FAM107B: variants seen among roughly 807,000 people sequenced by gnomAD.
FAM107B encodes protein FAM107B.
A neutral mutation model predicts 31.5 loss-of-function variants in FAM107B; 21 were observed. The observed-to-expected ratio is 0.67, with a 90% confidence interval of 0.47 to 0.96. FAM107B has a LOEUF of 0.96. Among genes scored for constraint, FAM107B ranks in the 40% least tolerant of loss-of-function variants. The pLI, the probability that FAM107B is intolerant of heterozygous loss-of-function variation, is 0.00. For missense variants in FAM107B, 452 were observed against 377.1 expected, an observed-to-expected ratio of 1.20 and a Z score of -1.64; for synonymous variants, 157 against 141.5, an observed-to-expected ratio of 1.11 and a Z score of -0.78.
At position 14,587,542 on chromosome 10, in the gene FAM107B, T is replaced by A. The variant is rs112483905; in HGVS notation, c.470-57027A>T. Among the ~76,000 whole-genome samples the A allele has an allele frequency of 5.9e-5, 9 of 152,336 alleles. 1 individual carries two copies. Among genetic ancestry groups the A allele is most frequent in the African/African-American group, 2.2e-4 (9 of 41,574 alleles). ...TGTTTAATGTTTTTAAGACTTTCCA[T>A]TAGTATGAATAAGAATTTGTCTTAC... On this transcript the variant is annotated intron_variant, in intron 2 of 4. Transcript: ENST00000181796.
intron 2 of FAM107B, among the ~76,000 whole-genome samples, chr10:14,621,278 C>T (rs1853004049): frequency 6.6e-6 from 1 of 152,104 alleles, no homozygotes; most frequent in Non-Finnish European, 1.5e-5. Flanking sequence ...CAACATTAAA[C>T]TGCTGTTTAT....
chr10:14,604,272 C>A, intron 2 of FAM107B: 1 of 979,710 alleles, frequency 1.0e-6, no homozygotes, highest in Non-Finnish European at 1.2e-6. Flanking sequence ...GCGGCTCCCT[C>A]CCAGCTCGCT....
At chr10:14,712,626 A>AAAAAAAAAAAAAAAAG (rs1554851690) in intron 1 of FAM107B, among the ~76,000 whole-genome samples, 1 of 146,852 alleles carries the variant, frequency 6.8e-6, no homozygotes, top group African/African-American at 2.6e-5. Context: ...AACAAAAAAA[A>AAAAAAAAAAAAAAAAG]AAGAAGAAGA....
chr10:14,571,719 A>C (rs981246505), intron 2 of FAM107B: 52 of 940,654 alleles, frequency 5.5e-5, no homozygotes, highest in Non-Finnish European at 6.3e-5. Flanking sequence ...GAGAAGGACT[A>C]CATTATTCAA....
intron 1 of FAM107B, among the ~76,000 whole-genome samples, chr10:14,734,488 G>GTGTTTTTGTTTTTTTT (rs558940939): frequency 0.036 from 4,963 of 137,730 alleles, 165 homozygotes; most frequent in East Asian, 0.11. Flanking sequence ...TTTTTGTGAG[G>GTGTTTTTGTTTTTTTT]TTTTTTTTTT....
chr10:14,772,362 A>AAAAAAAAAATATAT (rs10651238), intron 1 of FAM107B, among the ~76,000 whole-genome samples: 53 of 145,634 alleles, frequency 3.6e-4, no homozygotes, highest in Middle Eastern at 3.5e-3. Flanking sequence ...TTAAAAAAAA[A>AAAAAAAAAATATAT]ATATATATAT....
chr10:14,653,156 A>G (rs1191360146), intron 2 of FAM107B, among the ~76,000 whole-genome samples: 1 of 152,234 alleles, frequency 6.6e-6, no homozygotes, highest in Non-Finnish European at 1.5e-5. Flanking sequence ...GTCCACTGCC[A>G]CGGTATTTAC....
intron 1 of FAM107B, among the ~76,000 whole-genome samples, chr10:14,703,891 C>T (rs763672771): frequency 1.3e-5 from 2 of 152,080 alleles, no homozygotes; most frequent in Non-Finnish European, 2.9e-5. Context: ...GGTTCTGCAG[C>T]GACTGAAGGG....
intron 1 of FAM107B, among the ~76,000 whole-genome samples, chr10:14,758,928 C>T (rs534157844): frequency 6.8e-6 from 1 of 147,790 alleles, no homozygotes; most frequent in Non-Finnish European, 1.5e-5. Flanking sequence ...CCTGTAATCC[C>T]AGCACTTTGG....
At chr10:14,576,041 G>A (rs1158782772) in intron 2 of FAM107B, among the ~76,000 whole-genome samples, 4 of 152,178 alleles carry the variant, frequency 2.6e-5, no homozygotes, top group Non-Finnish European at 5.9e-5. Context: ...CCCTAGAAGA[G>A]TCAAACTCAC....
At chr10:14,546,624 A>G (rs945904276) in intron 2 of FAM107B, among the ~76,000 whole-genome samples, 4 of 152,338 alleles carry the variant, frequency 2.6e-5, no homozygotes, top group African/African-American at 9.6e-5. Flanking sequence ...AGCAGCTACA[A>G]TGTTTAAAAA....
At chr10:14,737,251 G>T (rs570251869) in intron 1 of FAM107B, among the ~76,000 whole-genome samples, 2 of 151,962 alleles carry the variant, frequency 1.3e-5, no homozygotes, top group East Asian at 3.9e-4. Flanking sequence ...GATGATATGG[G>T]GAGAAAAAGG....
intron 2 of FAM107B, among the ~76,000 whole-genome samples, chr10:14,613,993 T>C (rs1396922849): frequency 1.3e-5 from 2 of 151,716 alleles, no homozygotes; most frequent in African/African-American, 4.8e-5. Context: ...TAGTCAGGAG[T>C]GTTGGCGGGC....
chr10:14,670,838 A>G (rs1335669764), intron 1 of FAM107B, among the ~76,000 whole-genome samples: 4 of 152,242 alleles, frequency 2.6e-5, no homozygotes, highest in African/African-American at 7.2e-5. Flanking sequence ...TGTCCTCACT[A>G]GTATAAACTA....
chr10:14,671,883 A>AC (rs765518928), intron 1 of FAM107B, among the ~76,000 whole-genome samples: 4 of 97,270 alleles, frequency 4.1e-5, no homozygotes, highest in Admixed American at 1.2e-4. Context: ...AAAAAAAAAA[A>AC]ACAAAAAAAC....
chr10:14,659,335 G>A (rs951593991), intron 2 of FAM107B, among the ~76,000 whole-genome samples: 7 of 152,106 alleles, frequency 4.6e-5, no homozygotes, highest in East Asian at 1.9e-4. Flanking sequence ...CAGCTCCTCC[G>A]GAGGCTGAGG....
At chr10:14,529,809 A>G (rs559279285) in intron 3 of FAM107B, 1 of 152,408 alleles carries the variant, frequency 6.6e-6, no homozygotes, top group East Asian at 1.9e-4. Context: ...AAAATAATTA[A>G]TAATAAAGAC....
intron 1 of FAM107B, among the ~76,000 whole-genome samples, chr10:14,760,354 G>T (rs1308414283): frequency 1.3e-5 from 2 of 152,108 alleles, no homozygotes; most frequent in Admixed American, 1.3e-4. Flanking sequence ...TCGCTTTTAT[G>T]ACTGCAGTAC....
chr10:14,763,922 G>A (rs571919968), intron 1 of FAM107B, among the ~76,000 whole-genome samples: 5 of 152,320 alleles, frequency 3.3e-5, no homozygotes, highest in Admixed American at 1.3e-4. Flanking sequence ...TCCTTAGACC[G>A]GGTTTCACCC....
Sources: gnomAD v4.1 joint callset for allele counts (sites outside exome capture counted in the v4.1 genomes callset) on GRCh38, gnomAD v4.1.1 for gene constraint, MANE v1.5 for transcripts, NCBI Gene and HGNC (gene_info 2026-07-23, HGNC 2026-07-21) for gene names.